The following EXOC6B variants were observed in gnomAD, a reference collection of about 807,000 sequenced individuals.
EXOC6B encodes SEC15 homolog B.
EXOC6B carries 54 observed loss-of-function variants against 113.5 expected under a neutral mutation model. The observed-to-expected ratio is 0.48, with a 90% CI of 0.38 to 0.60. The LOEUF (loss-of-function observed/expected upper bound fraction) is 0.60, where lower values mean the gene tolerates loss of function less well. Ranked by LOEUF, EXOC6B falls within the 20% of genes least tolerant of loss-of-function variation. The pLI, the probability that EXOC6B is intolerant of heterozygous loss-of-function variation, is 0.00. For missense variants in EXOC6B, 797 were observed against 977.5 expected (o/e 0.82, Z 2.46); for synonymous variants, 357 against 339.0 (o/e 1.05, Z -0.58).
At chr2:72,340,289 AT>A (rs1160525096) in intron 19 of EXOC6B, among the ~76,000 whole-genome samples, 1 of 152,210 alleles carries the variant, frequency 6.6e-6, no homozygotes, top group Non-Finnish European at 1.5e-5. Flanking sequence ...TTGGGAGTTT[AT>A]CAAAAGAAGT....
chr2:72,622,916 G>C (rs1671831846), intron 6 of EXOC6B, among the ~76,000 whole-genome samples: 1 of 152,106 alleles, frequency 6.6e-6, no homozygotes, highest in Non-Finnish European at 1.5e-5. Context: ...CAACTACTTT[G>C]AGAAACTGAT....
chr2:72,736,679 A>T (rs1680987724), intron 2 of EXOC6B, among the ~76,000 whole-genome samples: 1 of 152,204 alleles, frequency 6.6e-6, no homozygotes, highest in African/African-American at 2.4e-5. Context: ...AAGTGATATC[A>T]GCAATTCAGG....
chr2:72,382,020 C>A (rs1691705639), intron 18 of EXOC6B, among the ~76,000 whole-genome samples: 1 of 152,212 alleles, frequency 6.6e-6, no homozygotes, highest in East Asian at 1.9e-4. Context: ...TTTGTATTTT[C>A]TGATGGGCCA....
chr2:72,346,054 C>G (rs565437442), intron 19 of EXOC6B, among the ~76,000 whole-genome samples: 1 of 151,700 alleles, frequency 6.6e-6, no homozygotes, highest in East Asian at 1.9e-4. Context: ...AAGGCTAACT[C>G]TAACATATTC....
chr2:72,652,266 G>A (rs2104407238), intron 6 of EXOC6B, among the ~76,000 whole-genome samples: 1 of 151,868 alleles, frequency 6.6e-6, no homozygotes, highest in Admixed American at 6.6e-5. Context: ...GAGAAAGGAG[G>A]CCAAAAAAAT....
intron 6 of EXOC6B, among the ~76,000 whole-genome samples, chr2:72,715,850 T>C (rs1247691449): frequency 6.6e-6 from 1 of 152,092 alleles, no homozygotes; most frequent in East Asian, 1.9e-4. Flanking sequence ...GGGTTGAGCA[T>C]CCCTGGAAGA....
intron 18 of EXOC6B, among the ~76,000 whole-genome samples, chr2:72,458,465 T>TAAAAGTGTAGCTTCAG: frequency 6.6e-6 from 1 of 152,104 alleles, no homozygotes; most frequent in Admixed American, 6.6e-5. Context: ...CAATTACTTT[T>TAAAAGTGTAGCTTCAG]AAAAGTGTAG....
intron 18 of EXOC6B, chr2:72,464,321 T>A (rs1283495121): frequency 6.6e-6 from 1 of 152,202 alleles, no homozygotes; most frequent in Non-Finnish European, 1.5e-5. Context: ...GAGCAGGAAT[T>A]TCTATAGTCC....
intron 20 of EXOC6B, among the ~76,000 whole-genome samples, chr2:72,313,314 A>G (rs945539604): frequency 6.6e-6 from 1 of 152,184 alleles, no homozygotes; most frequent in Non-Finnish European, 1.5e-5. Flanking sequence ...ACAAACCTCC[A>G]TGACACATGT....
intron 6 of EXOC6B, among the ~76,000 whole-genome samples, chr2:72,659,525 A>AT (rs1250454579): frequency 1.3e-5 from 2 of 152,118 alleles, no homozygotes; most frequent in African/African-American, 4.8e-5. Flanking sequence ...AGGAATCTGT[A>AT]TCTTGCTATA....
At chr2:72,759,580 G>A (rs1057094679) in intron 1 of EXOC6B, among the ~76,000 whole-genome samples, 22 of 152,094 alleles carry the variant, frequency 1.4e-4, no homozygotes, top group African/African-American at 5.3e-4. Context: ...GTTTCCCTTT[G>A]TTAAGTAGGT....
At chr2:72,558,438 T>C (rs750490773) in intron 8 of EXOC6B, among the ~76,000 whole-genome samples, 5 of 152,120 alleles carry the variant, frequency 3.3e-5, no homozygotes, top group African/African-American at 1.2e-4. Flanking sequence ...TATCCCAAAT[T>C]GTCAGGAGTA....
At chr2:72,667,096 C>A (rs930373460) in intron 6 of EXOC6B, among the ~76,000 whole-genome samples, 2 of 151,818 alleles carry the variant, frequency 1.3e-5, no homozygotes, top group African/African-American at 4.8e-5. Context: ...TTCTCCTGAC[C>A]TCGAGATCCA....
chr2:72,760,814 T>C (rs1191567606), intron 1 of EXOC6B, among the ~76,000 whole-genome samples: 1 of 152,204 alleles, frequency 6.6e-6, no homozygotes, highest in Non-Finnish European at 1.5e-5. Flanking sequence ...TAAAACTGCA[T>C]GATTAGTTCA....
At chr2:72,332,221 G>T (rs1312098163) in intron 20 of EXOC6B, among the ~76,000 whole-genome samples, 2 of 151,890 alleles carry the variant, frequency 1.3e-5, no homozygotes, top group Non-Finnish European at 2.9e-5. Context: ...GCTTATTAAG[G>T]ACATAATGAT....
At position 72,327,190 on chromosome 2, in the gene EXOC6B, C is replaced by A. The variant is rs377329701; in HGVS notation, c.2196+7757G>T. On this transcript the variant is annotated intron_variant, in intron 20 of 21. Transcript: ENST00000272427. ...ACCCTCAAAGAGGTCCAGAAGTTAC[C>A]TTTCTACCACATACAATTGTGCAAA... Among the ~76,000 whole-genome samples, 19 of 152,130 alleles carry A rather than the reference C, an allele frequency of 1.2e-4. 1 individual carries two copies. Among genetic ancestry groups the A allele is most frequent in the African/African-American group, 4.3e-4 (18 of 41,514 alleles).
chr2:72,211,480 C>A (rs574200823), intron 20 of EXOC6B, among the ~76,000 whole-genome samples: 3 of 152,288 alleles, frequency 2.0e-5, no homozygotes, highest in African/African-American at 7.2e-5. Flanking sequence ...CACCTTTACT[C>A]ACTCACCATT....
chr2:72,653,969 TA>T (rs1247280036), intron 6 of EXOC6B, among the ~76,000 whole-genome samples: 16 of 63,510 alleles, frequency 2.5e-4, no homozygotes, highest in African/African-American at 8.1e-4. Context: ...GAATTTTATT[TA>T]TTTTTTTTTT....
intron 7 of EXOC6B, among the ~76,000 whole-genome samples, chr2:72,573,922 T>A (rs1704666180): frequency 6.6e-6 from 1 of 152,070 alleles, no homozygotes; most frequent in South Asian, 2.1e-4. Context: ...CAGACCATCC[T>A]GGCTAACATG....
Sources: allele counts gnomAD v4.1 joint callset (sites outside exome capture counted in the v4.1 genomes callset), GRCh38; gene constraint gnomAD v4.1.1; transcripts MANE v1.5; gene names NCBI Gene and HGNC (gene_info 2026-07-23, HGNC 2026-07-21).